The following ZNF883 variants were observed in gnomAD, a reference collection of about 807,000 sequenced individuals.
ZNF883 encodes the protein zinc finger protein 883.
chr9:112,996,474 C>G (rs547654537), downstream of ZNF883, among the ~76,000 whole-genome samples: 1 of 152,224 alleles, frequency 6.6e-6, no homozygotes, highest in East Asian at 1.9e-4. Flanking sequence ...ATTTTCCTTA[C>G]CTAAGATTTC....
At chr9:113,005,192 C>A (rs1303054961) in intron 2 of ZNF883, among the ~76,000 whole-genome samples, 1 of 151,904 alleles carries the variant, frequency 6.6e-6, no homozygotes, top group Non-Finnish European at 1.5e-5. Flanking sequence ...GAAAAAGATT[C>A]ACAGATTTGA....
At chr9:113,011,722 C>G (rs558187950) in intron 1 of ZNF883, among the ~76,000 whole-genome samples, 1 of 152,240 alleles carries the variant, frequency 6.6e-6, no homozygotes, top group South Asian at 2.1e-4. Flanking sequence ...CTAGTTGGCA[C>G]TAAATACGTA....
intron 1 of ZNF883, among the ~76,000 whole-genome samples, chr9:112,988,293 C>T (rs1220543451): frequency 6.6e-6 from 1 of 152,098 alleles, no homozygotes; most frequent in African/African-American, 2.4e-5. Flanking sequence ...TCCTGATCCT[C>T]TCCTCCTGCT....
At chr9:113,001,073 G>A (rs1828416992), upstream of ZNF883, among the ~76,000 whole-genome samples, 1 of 151,984 alleles carries the variant, frequency 6.6e-6, no homozygotes, top group Non-Finnish European at 1.5e-5. Flanking sequence ...AACAGAGAAA[G>A]GACTAAGAAC....
chr9:112,994,728 C>G (rs962951537), downstream of ZNF883, among the ~76,000 whole-genome samples: 92 of 151,916 alleles, frequency 6.1e-4, no homozygotes, highest in Middle Eastern at 3.4e-3. Context: ...TTTCTACTAT[C>G]TTTTCTATTT....
chr9:112,998,344 A>G, upstream of ZNF883: 1 of 1,149,690 alleles, frequency 8.7e-7, no homozygotes, highest in East Asian at 2.7e-5. Context: ...TTATTTCCAG[A>G]ATAAGTAAAG....
At chr9:112,988,553 C>T (rs951326528) in intron 1 of ZNF883, among the ~76,000 whole-genome samples, 3 of 152,096 alleles carry the variant, frequency 2.0e-5, no homozygotes, top group Admixed American at 6.6e-5. Flanking sequence ...TCCAGTCTAT[C>T]GTTGATTGGC....
At chr9:112,991,794 T>C (rs1015211043) in intron 1 of ZNF883, among the ~76,000 whole-genome samples, 1 of 152,218 alleles carries the variant, frequency 6.6e-6, no homozygotes, top group African/African-American at 2.4e-5. Context: ...TTTAGAATAG[T>C]TAGCTCTTCT....
upstream of ZNF883, among the ~76,000 whole-genome samples, chr9:113,000,796 G>A (rs1055722241): frequency 4.6e-5 from 7 of 151,984 alleles, no homozygotes; most frequent in African/African-American, 1.7e-4. Context: ...CTCTAAGCAG[G>A]GGAATATATG....
At chr9:113,002,325 C>G (rs944166108), upstream of ZNF883, among the ~76,000 whole-genome samples, 1 of 151,974 alleles carries the variant, frequency 6.6e-6, no homozygotes, top group African/African-American at 2.4e-5. Context: ...ATTTAAAAAG[C>G]TAAGAAAATA....
chr9:112,993,294 CTGTT>C (rs1224774077), downstream of ZNF883, among the ~76,000 whole-genome samples: 16 of 152,148 alleles, frequency 1.1e-4, no homozygotes, highest in Admixed American at 9.8e-4. Flanking sequence ...GTTGCTGTTG[CTGTT>C]TGTTTTTCTT....
At chr9:112,997,304 T>C (rs1564332312) in exon 1 of ZNF883, 1 of 1,614,184 alleles carries the variant, frequency 6.2e-7, no homozygotes, top group Non-Finnish European at 8.5e-7. Flanking sequence ...CTGGTAGGGT[T>C]TCTCTCCTGT....
downstream of ZNF883, among the ~76,000 whole-genome samples, chr9:112,994,075 G>A (rs553790023): frequency 6.6e-6 from 1 of 152,196 alleles, no homozygotes; most frequent in South Asian, 2.1e-4. Context: ...AATCTGCACA[G>A]CTCTGTGGTA....
At chr9:112,998,450 A>T (rs1473402436), upstream of ZNF883, 1 of 434,030 alleles carries the variant, frequency 2.3e-6, no homozygotes, top group Non-Finnish European at 3.9e-6. Flanking sequence ...ATTATGCTTC[A>T]GGTTCCTACC....
downstream of ZNF883, among the ~76,000 whole-genome samples, chr9:112,995,776 G>A (rs1235397492): frequency 6.6e-6 from 1 of 152,024 alleles, no homozygotes; most frequent in Non-Finnish European, 1.5e-5. Flanking sequence ...ATAAACCTTA[G>A]TACTGACTTT....
intron 2 of ZNF883, among the ~76,000 whole-genome samples, chr9:113,007,468 A>C (rs1434311252): frequency 1.3e-5 from 2 of 152,188 alleles, no homozygotes; most frequent in African/African-American, 4.8e-5. Flanking sequence ...GTGACCTGAC[A>C]GTTGTTATTT....
chr9:112,999,153 C>T (rs1828396809), upstream of ZNF883: 1 of 152,104 alleles, frequency 6.6e-6, no homozygotes, highest in African/African-American at 2.4e-5. Context: ...AATACAAAGG[C>T]AGAAAACAAG....
downstream of ZNF883, among the ~76,000 whole-genome samples, chr9:112,996,470 C>T (rs1319346092): frequency 2.0e-5 from 3 of 152,110 alleles, no homozygotes; most frequent in Non-Finnish European, 4.4e-5. Context: ...AACAATTTTC[C>T]TTACCTAAGA....
chr9:113,004,568 T>C (rs1379841090), intron 2 of ZNF883, among the ~76,000 whole-genome samples: 1 of 151,902 alleles, frequency 6.6e-6, no homozygotes, highest in African/African-American at 2.4e-5. Context: ...CTCTTTGCCA[T>C]GTGAGGAAAC....
Sources: allele counts gnomAD v4.1 joint callset (sites outside exome capture counted in the v4.1 genomes callset), GRCh38; gene constraint gnomAD v4.1.1; transcripts MANE v1.5; gene names NCBI Gene and HGNC (gene_info 2026-07-23, HGNC 2026-07-21).